The following DLGAP2 variants were observed in gnomAD, a reference collection of about 807,000 sequenced individuals.
DLGAP2 encodes the protein DLG associated protein 2.
In DLGAP2, 26 loss-of-function variants were observed where a neutral mutation model predicts 100.3. The ratio of observed to expected loss-of-function variants is 0.26; its 90% confidence interval spans 0.19 to 0.36. DLGAP2 has a LOEUF of 0.36. Among genes scored for constraint, DLGAP2 ranks in the 10% least tolerant of loss-of-function variants. The pLI, the probability that DLGAP2 is intolerant of heterozygous loss-of-function variation, is 1.00. For missense variants in DLGAP2, 1,858 were observed against 1,453.2 expected (o/e 1.28, Z -4.53); for synonymous variants, 886 against 630.1 (o/e 1.41, Z -6.08).
intron 6 of DLGAP2, among the ~76,000 whole-genome samples, chr8:1,589,594 C>A (rs1460327499): frequency 6.6e-6 from 1 of 152,106 alleles, no homozygotes. Context: ...GCCACCATGC[C>A]CAGCTAATTT....
chr8:1,499,533 G>A (rs996139658), intron 3 of DLGAP2, among the ~76,000 whole-genome samples: 2 of 152,164 alleles, frequency 1.3e-5, no homozygotes, highest in Admixed American at 6.5e-5. Context: ...GACCATTCCA[G>A]TCTGTGGTTT....
intron 2 of DLGAP2, among the ~76,000 whole-genome samples, chr8:1,200,991 C>T (rs139483764): frequency 2.8e-3 from 428 of 152,288 alleles, no homozygotes; most frequent in African/African-American, 9.3e-3. Flanking sequence ...AAAGAAGGCG[C>T]GGCTGTCTCC....
chr8:1,436,331 G>A (rs1421382775), intron 3 of DLGAP2, among the ~76,000 whole-genome samples: 1 of 152,210 alleles, frequency 6.6e-6, no homozygotes, highest in Non-Finnish European at 1.5e-5. Context: ...TTCAAGGGCA[G>A]GAGGCATCCA....
intron 3 of DLGAP2, among the ~76,000 whole-genome samples, chr8:1,341,462 A>G (rs987236946): frequency 6.6e-6 from 1 of 152,218 alleles, no homozygotes; most frequent in Non-Finnish European, 1.5e-5. Context: ...TCTGAAACAC[A>G]TATAGGCGTA....
rs751411611 is a variant in DLGAP2 at position 1,549,181 on chromosome 8, C to G, written c.728C>G (p.Ser243Trp). 3.1e-6 allele frequency: 5 copies of G among 1,599,002 alleles called. No homozygotes were observed. Among genetic ancestry groups the G allele is most frequent in the Non-Finnish European group, 3.4e-6 (4 of 1,173,794 alleles). Residue 243 changes from serine to tryptophan, a missense_variant, in exon 5 of 15, where the codon TCG (serine) becomes TGG (tryptophan). Ser to Trp is a radical substitution (Grantham distance 177, BLOSUM62 -3). Transcript: ENST00000637795. ...TCCGTGCAGAAGCTCTTCACCAAGT[C>G]GCACTCGCTGGAGGGCTCCTCCAAA... Reference protein sequence around the residue: ...VHSVQKLFTKSHSLEGSSKSN... With the variant: ...VHSVQKLFTKWHSLEGSSKSN...
chr8:840,039 A>G, intron 1 of DLGAP2, among the ~76,000 whole-genome samples: 2 of 104,012 alleles, frequency 1.9e-5, no homozygotes, highest in African/African-American at 8.0e-5. Context: ...GCGCGTCCAC[A>G]CGGTGCACGC....
At chr8:1,120,450 C>T (rs373563565) in intron 2 of DLGAP2, among the ~76,000 whole-genome samples, 2 of 152,204 alleles carry the variant, frequency 1.3e-5, no homozygotes, top group African/African-American at 4.8e-5. Context: ...CCATTCTAGA[C>T]CCTTCAGAAA....
chr8:878,179 A>G (rs982500676), intron 1 of DLGAP2, among the ~76,000 whole-genome samples: 3 of 152,190 alleles, frequency 2.0e-5, no homozygotes, highest in Non-Finnish European at 4.4e-5. Flanking sequence ...ATATTTAAGT[A>G]CTCATGGGAA....
At chr8:771,973 G>A (rs1037796434) in intron 1 of DLGAP2, among the ~76,000 whole-genome samples, 2 of 152,102 alleles carry the variant, frequency 1.3e-5, no homozygotes, top group African/African-American at 4.8e-5. Context: ...CACCATCATA[G>A]CTCACTATAG....
In DLGAP2 at chr8:1,207,027, C is replaced by G. The variant is rs150346732; in HGVS notation, c.74-51824C>G. On this transcript the variant is annotated intron_variant, in intron 2 of 14. Transcript: ENST00000637795. ...CTGTCCCCACCACACACAGAGCTCA[C>G]CCAGGTTTCACCCTCTCCATTCCTA... 3.1e-3 allele frequency among the ~76,000 whole-genome samples: 465 copies of G among 152,326 alleles called. 1 individual carries two copies. The highest frequency in any genetic ancestry group is 0.01 in the African/African-American group (424 of 41,580).
intron 2 of DLGAP2, among the ~76,000 whole-genome samples, chr8:1,130,244 G>A (rs1227206120): frequency 6.6e-6 from 1 of 152,290 alleles, no homozygotes; most frequent in East Asian, 1.9e-4. Context: ...CTTTAGATTT[G>A]AAAGTTGTTA....
chr8:1,284,251 A>AT (rs1012605406), intron 3 of DLGAP2, among the ~76,000 whole-genome samples: 7 of 152,030 alleles, frequency 4.6e-5, no homozygotes, highest in Non-Finnish European at 1.0e-4. Context: ...TCCAGGAGAG[A>AT]TTTTTTGTTA....
chr8:1,426,569 G>C (rs1797241167), intron 3 of DLGAP2, among the ~76,000 whole-genome samples: 2 of 152,176 alleles, frequency 1.3e-5, no homozygotes, highest in Admixed American at 1.3e-4. Context: ...AAAGGGTTCT[G>C]CTGTTGCCTG....
intron 3 of DLGAP2, among the ~76,000 whole-genome samples, chr8:1,410,673 C>T (rs1263485541): frequency 4.6e-5 from 7 of 152,166 alleles, no homozygotes; most frequent in African/African-American, 9.6e-5. Flanking sequence ...GTGTGTTTCA[C>T]GCACGGCATC....
At chr8:1,465,476 C>T (rs534445214) in intron 3 of DLGAP2, among the ~76,000 whole-genome samples, 2 of 151,878 alleles carry the variant, frequency 1.3e-5, no homozygotes, top group East Asian at 3.9e-4. Context: ...GAGTGGCTCC[C>T]AGAACTCTGG....
chr8:858,082 C>G (rs1264522651), intron 1 of DLGAP2, among the ~76,000 whole-genome samples: 11 of 152,282 alleles, frequency 7.2e-5, no homozygotes, highest in South Asian at 2.1e-4. Context: ...GTCTTGAACT[C>G]CTCACCTCAG....
chr8:794,627 G>T (rs1182639001), intron 1 of DLGAP2, among the ~76,000 whole-genome samples: 2 of 151,812 alleles, frequency 1.3e-5, no homozygotes, highest in Admixed American at 6.6e-5. Context: ...GGCAGGCCAG[G>T]TGTTCCTTGC....
At chr8:1,668,196 G>C (rs546654913) in intron 8 of DLGAP2, 133 bp from the exon 9 acceptor site, 2 of 768,150 alleles carry the variant, frequency 2.6e-6, no homozygotes, top group African/African-American at 1.8e-5. Context: ...CTCATTTCAC[G>C]CTATTTTTTT....
At chr8:891,362 G>C (rs891787067) in intron 1 of DLGAP2, 8 of 152,548 alleles carry the variant, frequency 5.2e-5, no homozygotes, top group African/African-American at 9.6e-5. Context: ...GGCCCAAAAG[G>C]TCAGGCTGTG....
Sources: gnomAD v4.1 joint callset for allele counts (sites outside exome capture counted in the v4.1 genomes callset) on GRCh38, gnomAD v4.1.1 for gene constraint, MANE v1.5 for transcripts, NCBI Gene and HGNC (gene_info 2026-07-23, HGNC 2026-07-21) for gene names.